SNTG1: variants seen among roughly 807,000 people sequenced by gnomAD.
SNTG1 encodes gamma-1-syntrophin.
A neutral mutation model predicts 74.7 loss-of-function variants in SNTG1; 39 were observed. The ratio of observed to expected loss-of-function variants is 0.52; its 90% confidence interval spans 0.40 to 0.68. SNTG1 has a LOEUF of 0.68. Among genes scored for constraint, SNTG1 ranks in the 30% least tolerant of loss-of-function variants. The probability of loss-of-function intolerance (pLI) is 0.00; values close to 1 mark genes in which losing one functional copy is unlikely to be tolerated. For missense variants in SNTG1, 685 were observed against 609.5 expected, an observed-to-expected ratio of 1.12 and a Z score of -1.30; for synonymous variants, 254 against 217.1, an observed-to-expected ratio of 1.17 and a Z score of -1.49.
rs746700096 is a variant in SNTG1 at position 50,536,770 on chromosome 8, G to C, written c.642G>C (p.Ser214=). Residue 214 remains serine, a synonymous_variant, in exon 11 of 19, where the codon TCG becomes TCC. Coordinates refer to ENST00000642720, the MANE Select transcript of SNTG1 (RefSeq NM_018967.5). ...CDLRLIPLLH[S]RFSQYVPGTD... ...TCAGACTGATCCCTCTACTTCATTC[G>C]CGCTTCTCTCAGTATGTGCCCGGCA... 16 of 1,613,994 alleles carry C rather than the reference G, an allele frequency of 9.9e-6. No individual in the cohort carries two copies. The highest frequency in any genetic ancestry group is 1.4e-5 in the Non-Finnish European group (16 of 1,179,870).
chr8:50,496,274 T>G (rs1216001443), intron 8 of SNTG1, among the ~76,000 whole-genome samples: 1 of 152,172 alleles, frequency 6.6e-6, no homozygotes, highest in Admixed American at 6.6e-5. Context: ...GATCAAAATC[T>G]TACTTGATTC....
chr8:50,783,370 G>C (rs1467290170), intron 18 of SNTG1, among the ~76,000 whole-genome samples: 3 of 152,240 alleles, frequency 2.0e-5, no homozygotes, highest in South Asian at 2.1e-4. Context: ...CTTCCTGGCT[G>C]CTTTGTTTAC....
At chr8:50,647,463 T>TAC (rs749068141) in intron 13 of SNTG1, among the ~76,000 whole-genome samples, 4 of 151,510 alleles carry the variant, frequency 2.6e-5, no homozygotes, top group South Asian at 2.1e-4. Context: ...TATATATGTA[T>TAC]ACACACACAC....
intron 4 of SNTG1, among the ~76,000 whole-genome samples, chr8:50,403,939 T>C (rs1319802756): frequency 3.3e-5 from 5 of 152,280 alleles, no homozygotes; most frequent in African/African-American, 9.6e-5. Context: ...TTGTTCACCA[T>C]GCTCCTACAG....
intron 14 of SNTG1, 83 bp from the exon 15 acceptor site, chr8:50,658,508 AT>A: frequency 1.0e-6 from 1 of 982,350 alleles, no homozygotes; most frequent in Non-Finnish European, 1.5e-6. Context: ...GTTTTTTCTT[AT>A]TTTTCACTAT....
At chr8:50,577,772 T>C (rs1000217937) in intron 12 of SNTG1, among the ~76,000 whole-genome samples, 1 of 152,224 alleles carries the variant, frequency 6.6e-6, no homozygotes, top group African/African-American at 2.4e-5. Flanking sequence ...GCTGTTCTTT[T>C]ACTTATGTTA....
intron 1 of SNTG1, among the ~76,000 whole-genome samples, chr8:50,138,683 T>C (rs1300228808): frequency 2.0e-5 from 3 of 150,440 alleles, no homozygotes; most frequent in African/African-American, 7.3e-5. Context: ...CTTGAAAGAC[T>C]CATGCACCTT....
At chr8:50,530,045 T>C in intron 9 of SNTG1, 132 bp from the exon 10 acceptor site, 1 of 745,688 alleles carries the variant, frequency 1.3e-6, no homozygotes, top group Non-Finnish European at 2.2e-6. Context: ...TTAGTATAAC[T>C]GAGATAAAAT....
Position 50,001,269 on chromosome 8 carries a change from C to A in SNTG1, c.-103+89038C>A, listed in dbSNP as rs543956148. ...GTGCTTATTGAAGTTGGATTCCCACCCTCCCACAGAGACTGAGAGATGAGG... is the reference window on the plus strand; with the variant it reads ...GTGCTTATTGAAGTTGGATTCCCACACTCCCACAGAGACTGAGAGATGAGG... On this transcript the variant is annotated intron_variant, in intron 1 of 18. Transcript: ENST00000642720. Among the ~76,000 whole-genome samples, 3 of 151,940 alleles carry A rather than the reference C, an allele frequency of 2.0e-5. No individual in the cohort carries two copies. The South Asian group carries it at 6.3e-4, about 32-fold the overall frequency.
In SNTG1 at chr8:50,390,930, A is replaced by G. The variant is rs138554178; in HGVS notation, c.-27-3282A>G. ...TTTGCACATTGATTTTGTATCCTGA[A>G]ACTTTGCTAAAGTTGCTTATCAGCT... On this transcript the variant is annotated intron_variant, in intron 2 of 18. Transcript: ENST00000642720. Among the ~76,000 whole-genome samples the G allele has an allele frequency of 9.4e-3, 1,426 of 152,178 alleles. 28 individuals are homozygous for G. The highest frequency in any genetic ancestry group is 0.033 in the African/African-American group (1,352 of 41,554).
At position 50,740,161 on chromosome 8, in the gene SNTG1, A is replaced by T. The variant is rs186431883; in HGVS notation, c.1285-11840A>T. ...CTAAAAAGCTCTGCGCAGCAAAAGA[A>T]ACTATCAACAGAGTGAACAGACAAC... is the stretch of plus-strand genomic sequence containing the variant. On this transcript the variant is annotated intron_variant, in intron 17 of 18. Transcript: ENST00000642720. Among the ~76,000 whole-genome samples, 3 of 152,232 alleles carry T rather than the reference A, an allele frequency of 2.0e-5. No homozygotes were observed. In the East Asian group the frequency reaches 5.8e-4, roughly 29 times the overall value.
At chr8:50,215,469 T>A (rs1461379652) in intron 2 of SNTG1, among the ~76,000 whole-genome samples, 1 of 142,208 alleles carries the variant, frequency 7.0e-6, no homozygotes, top group Non-Finnish European at 1.6e-5. Flanking sequence ...ATATAATATA[T>A]ATATATAGAC....
At chr8:50,752,252 A>G in intron 18 of SNTG1, 141 bp downstream of exon 18, 1 of 427,380 alleles carries the variant, frequency 2.3e-6, no homozygotes. Context: ...TGGCCAGAAG[A>G]ATAAACTTAC....
intron 2 of SNTG1, among the ~76,000 whole-genome samples, chr8:50,390,596 A>G (rs907568550): frequency 6.6e-6 from 1 of 152,154 alleles, no homozygotes; most frequent in African/African-American, 2.4e-5. Context: ...TTTTTCCCAA[A>G]TTCTGTGAAG....
chr8:50,223,978 A>T (rs991770241), intron 2 of SNTG1, among the ~76,000 whole-genome samples: 13 of 152,070 alleles, frequency 8.5e-5, no homozygotes, highest in Admixed American at 6.6e-4. Context: ...TAGATTTAAT[A>T]AAAAAATAGT....
intron 1 of SNTG1, among the ~76,000 whole-genome samples, chr8:49,981,747 C>T (rs1023026568): frequency 3.7e-4 from 56 of 151,916 alleles, no homozygotes; most frequent in Admixed American, 1.3e-4. Context: ...GAAATATTTT[C>T]CTGTTCCTCC....
Position 49,969,385 on chromosome 8 carries a change from A to ATATTTTTTTTTT in SNTG1, c.-103+57155_-103+57156insATTTTTTTTTTT, listed in dbSNP as rs1811434626. On this transcript the variant is annotated intron_variant, in intron 1 of 18. Coordinates refer to ENST00000642720, the MANE Select transcript of SNTG1 (RefSeq NM_018967.5). ...GCAAATACACATTTTAATTCATTTA[A>ATATTTTTTTTTT]TCTTTTTTTTTTTTTTTTTTTTTTT... is the stretch of plus-strand genomic sequence containing the variant. Among the ~76,000 whole-genome samples, 4 of 116,628 alleles carry ATATTTTTTTTTT rather than the reference A, an allele frequency of 3.4e-5. 1 individual carries two copies. Among genetic ancestry groups the ATATTTTTTTTTT allele is most frequent in the Admixed American group, 9.4e-5 (1 of 10,598 alleles). The allele number at this position is 116,628 out of a possible 152,430, so 76.5% of individuals were successfully genotyped here.
At chr8:50,374,008 A>G (rs2092324606) in intron 2 of SNTG1, among the ~76,000 whole-genome samples, 1 of 151,986 alleles carries the variant, frequency 6.6e-6, no homozygotes, top group Non-Finnish European at 1.5e-5. Context: ...TTTTTTATGG[A>G]TTTAAATTTA....
intron 13 of SNTG1, among the ~76,000 whole-genome samples, chr8:50,617,429 C>T (rs1248521053): frequency 6.7e-6 from 1 of 148,396 alleles, no homozygotes; most frequent in African/African-American, 2.5e-5. Context: ...TAACGAAAAA[C>T]AAGAAAAATA....
Sources: gnomAD v4.1 joint callset for allele counts (sites outside exome capture counted in the v4.1 genomes callset) on GRCh38, gnomAD v4.1.1 for gene constraint, MANE v1.5 for transcripts, NCBI Gene and HGNC (gene_info 2026-07-23, HGNC 2026-07-21) for gene names.